The following VPS13A variants were observed in gnomAD, a reference collection of about 807,000 sequenced individuals.
The protein encoded by VPS13A is vacuolar protein sorting 13 homolog A.
VPS13A carries 264 observed loss-of-function variants against 390.9 expected under a neutral mutation model. That is an observed-to-expected ratio of 0.68 (90% confidence interval 0.61 to 0.75). VPS13A has a LOEUF of 0.75. VPS13A is among the 30% of genes least tolerant of loss of function. The probability of loss-of-function intolerance (pLI) is 0.00; values close to 1 mark genes in which losing one functional copy is unlikely to be tolerated. For missense variants in VPS13A, 3,409 were observed against 3,733.9 expected (o/e 0.91, Z 2.27); for synonymous variants, 1,231 against 1,227.1 (o/e 1.00, Z -0.07).
chr9:77,336,421 AC>A (rs959165845), intron 46 of VPS13A, among the ~76,000 whole-genome samples: 5 of 152,208 alleles, frequency 3.3e-5, no homozygotes, highest in African/African-American at 2.4e-5. Context: ...TTAAAAAAAA[AC>A]AGCACTGTTC....
chr9:77,318,896 T>A, intron 41 of VPS13A, among the ~76,000 whole-genome samples: 1 of 152,056 alleles, frequency 6.6e-6, no homozygotes, highest in Non-Finnish European at 1.5e-5. Context: ...ATATTTTTTT[T>A]AAAGAGTTAA....
chr9:77,256,392 G>A (rs545005531), intron 22 of VPS13A, among the ~76,000 whole-genome samples: 115 of 151,886 alleles, frequency 7.6e-4, no homozygotes, highest in Non-Finnish European at 1.2e-3. Context: ...ATTTTTTGAC[G>A]CTTGGTTTTT....
At chr9:77,340,673 G>C in intron 50 of VPS13A, 123 bp downstream of exon 50, 1 of 1,223,158 alleles carries the variant, frequency 8.2e-7, no homozygotes, top group Non-Finnish European at 1.2e-6. Flanking sequence ...TTAGTTTCAT[G>C]AATCTTTATT....
chr9:77,287,433 T>A (rs1010734759), intron 31 of VPS13A, among the ~76,000 whole-genome samples: 1 of 151,976 alleles, frequency 6.6e-6, no homozygotes, highest in Non-Finnish European at 1.5e-5. Flanking sequence ...GCTCAGGCGA[T>A]CTACCTGCCT....
chr9:77,283,504 A>T (rs372608280), intron 30 of VPS13A, 33 bp downstream of exon 30: 5 of 1,606,316 alleles, frequency 3.1e-6, no homozygotes, highest in Non-Finnish European at 4.3e-6. Flanking sequence ...AAATTAAAAG[A>T]CATTAAATGA....
intron 1 of VPS13A, chr9:77,178,046 A>C: frequency 2.2e-6 from 1 of 456,342 alleles, no homozygotes; most frequent in Non-Finnish European, 4.0e-6. Flanking sequence ...AAAGGTCTAT[A>C]TTTTCCGAGC....
intron 34 of VPS13A, among the ~76,000 whole-genome samples, chr9:77,304,145 A>T (rs758651821): frequency 1.3e-5 from 2 of 151,910 alleles, no homozygotes; most frequent in Non-Finnish European, 2.9e-5. Flanking sequence ...ATTGTGCCCC[A>T]GGTTTATTGA....
chr9:77,412,025 C>T (rs988737473), intron 71 of VPS13A, among the ~76,000 whole-genome samples: 3 of 151,962 alleles, frequency 2.0e-5, no homozygotes, highest in Admixed American at 6.6e-5. Context: ...ACACATACAC[C>T]CTCCCAAGAC....
At chr9:77,259,431 T>C (rs1825634298) in intron 22 of VPS13A, among the ~76,000 whole-genome samples, 1 of 152,208 alleles carries the variant, frequency 6.6e-6, no homozygotes, top group South Asian at 2.1e-4. Context: ...TCTGTAGGAC[T>C]CCAGTACATT....
intron 34 of VPS13A, 21 bp from the exon 35 acceptor site, chr9:77,307,924 C>T: frequency 6.4e-7 from 1 of 1,557,690 alleles, no homozygotes; most frequent in Non-Finnish European, 8.8e-7. Flanking sequence ...CTAAAAAGAA[C>T]AAATCTTTTT....
In VPS13A at chr9:77,299,438, G is replaced by T. The variant is rs548188479; in HGVS notation, c.3813-3477G>T. Among the ~76,000 whole-genome samples, 116 of 152,290 alleles carry T rather than the reference G, an allele frequency of 7.6e-4. 1 individual carries two copies. The Middle Eastern group carries it at 0.017, about 22-fold the overall frequency. Reference sequence around the variant, plus strand: ...GTCAGGAAACAACAGATGCTGGAGAGGATGTGGAGAAATAGGAACACTTTT... The same window carrying T: ...GTCAGGAAACAACAGATGCTGGAGATGATGTGGAGAAATAGGAACACTTTT... On this transcript the variant is annotated intron_variant, in intron 33 of 71. Transcript: ENST00000360280.
chr9:77,221,220 A>G lies in VPS13A; in HGVS notation c.1025A>G (p.Asn342Ser), dbSNP rs372051536. ...AYAIHGVLEV[N>S]VCPRLWMWSW... ...GCTATACATGGCGTTCTTGAAGTAA[A>G]TGTTTGCCCCAGGTTATGGATGTGG... Residue 342 changes from asparagine (N) to serine (S), a missense_variant, in exon 13 of 72, where the codon AAT becomes AGT. By Grantham distance (46) the Asn-to-Ser change is conservative. Transcript: ENST00000360280. 31 of 1,613,392 alleles carry G rather than the reference A, an allele frequency of 1.9e-5. No homozygotes were observed. In the South Asian group the frequency reaches 2.7e-4, roughly 14 times the overall value.
At chr9:77,350,485 T>G (rs576316600) in intron 52 of VPS13A, among the ~76,000 whole-genome samples, 1 of 152,178 alleles carries the variant, frequency 6.6e-6, no homozygotes, top group African/African-American at 2.4e-5. Context: ...GATTTGTGGA[T>G]AGTGTTATGC....
At chr9:77,302,580 C>T (rs1396434271) in intron 33 of VPS13A, among the ~76,000 whole-genome samples, 1 of 151,814 alleles carries the variant, frequency 6.6e-6, no homozygotes, top group Non-Finnish European at 1.5e-5. Context: ...ACCATGTTGG[C>T]CAGGCTGGTC....
intron 67 of VPS13A, among the ~76,000 whole-genome samples, chr9:77,380,531 C>T (rs1359832034): frequency 1.3e-5 from 2 of 152,060 alleles, no homozygotes; most frequent in African/African-American, 2.4e-5. Flanking sequence ...AGGCTGATCT[C>T]GAACTCCTGA....
intron 5 of VPS13A, among the ~76,000 whole-genome samples, chr9:77,208,241 T>C (rs948183481): frequency 1.4e-4 from 21 of 152,154 alleles, no homozygotes; most frequent in African/African-American, 4.8e-4. Flanking sequence ...CTATAATCTA[T>C]TTATATGTAT....
intron 68 of VPS13A, chr9:77,384,497 T>C: frequency 7.0e-6 from 11 of 1,568,730 alleles, no homozygotes; most frequent in Non-Finnish European, 9.6e-6. Flanking sequence ...TCTCACTCTT[T>C]GAACATTTCA....
At chr9:77,191,892 A>G (rs957693152) in intron 1 of VPS13A, among the ~76,000 whole-genome samples, 4 of 152,108 alleles carry the variant, frequency 2.6e-5, no homozygotes, top group African/African-American at 9.7e-5. Flanking sequence ...GAACTCTGTT[A>G]GGTCCATTTG....
intron 10 of VPS13A, 130 bp downstream of exon 10, chr9:77,214,516 A>G (rs1822747299): frequency 4.7e-6 from 3 of 637,264 alleles, no homozygotes; most frequent in Admixed American, 3.0e-5. Context: ...TTTATAATGT[A>G]TATACAAAAG....
Sources: allele counts gnomAD v4.1 joint callset (sites outside exome capture counted in the v4.1 genomes callset), GRCh38; gene constraint gnomAD v4.1.1; transcripts MANE v1.5; gene names NCBI Gene and HGNC (gene_info 2026-07-23, HGNC 2026-07-21).